The following CT47C1 variants were observed in gnomAD, a reference collection of about 807,000 sequenced individuals.
The protein encoded by CT47C1 is cancer/testis antigen family 47 member C1.
the CT47C1 span, chrX:119,074,909 A>ATATT: frequency 1.0e-6 from 1 of 993,734 alleles, no homozygotes; most frequent in Admixed American, 2.2e-5. Context: ...AAATTGGGCT[A>ATATT]TATTTTCTGT....
At chrX:119,073,729 G>A in the CT47C1 span, 1 of 761,784 alleles carries the variant, frequency 1.3e-6, no homozygotes, top group Non-Finnish European at 1.9e-6. Context: ...GCTCAGAAGA[G>A]CCCCGGCTGT....
the CT47C1 span, chrX:119,074,100 G>A: frequency 2.0e-6 from 1 of 492,020 alleles, no homozygotes. Flanking sequence ...GCTATCTGCA[G>A]TGGCGGGGAG....
chrX:119,074,132 G>C, the CT47C1 span: 1 of 477,465 alleles, frequency 2.1e-6, no homozygotes, highest in Non-Finnish European at 3.7e-6. Context: ...TGCACCCAAG[G>C]GTTCCAGGCA....
At chrX:119,076,698 C>T in the CT47C1 span, among the ~76,000 whole-genome samples, 1 of 112,205 alleles carries the variant, frequency 8.9e-6, no homozygotes, top group Non-Finnish European at 1.9e-5. Flanking sequence ...TATTGCATAT[C>T]TTACTAATGA....
chrX:119,075,963 G>A, the CT47C1 span, among the ~76,000 whole-genome samples: 18 of 112,075 alleles, frequency 1.6e-4, no homozygotes, highest in African/African-American at 5.5e-4. Context: ...TGATCATTTG[G>A]CTGTAACCAT....
At chrX:119,073,574 C>A in the CT47C1 span, 5 of 526,724 alleles carry the variant, frequency 9.5e-6, no homozygotes, top group Non-Finnish European at 1.4e-5. Flanking sequence ...CGCGGCCGCC[C>A]GTCGCTACCC....
At chrX:119,075,236 A>G in the CT47C1 span, 1 of 909,993 alleles carries the variant, frequency 1.1e-6, no homozygotes, top group East Asian at 3.3e-5. Context: ...TAAAAATTCA[A>G]TTTAGCTTAC....
the CT47C1 span, chrX:119,074,917 T>C: frequency 1.0e-6 from 1 of 1,002,952 alleles, no homozygotes; most frequent in Middle Eastern, 2.6e-4. Context: ...CTATATTTTC[T>C]GTGAATGTCT....
At chrX:119,075,139 C>T in the CT47C1 span, 2 of 1,065,384 alleles carry the variant, frequency 1.9e-6, no homozygotes, top group South Asian at 4.0e-5. Context: ...TTGAGAATCA[C>T]TCAACTATTC....
the CT47C1 span, chrX:119,073,411 G>A: frequency 3.8e-6 from 2 of 523,943 alleles, no homozygotes; most frequent in East Asian, 7.0e-5. Flanking sequence ...GTGAGCAGGC[G>A]GCAGGCTTGG....
the CT47C1 span, chrX:119,073,882 C>T: frequency 1.2e-6 from 1 of 850,808 alleles, no homozygotes; most frequent in Non-Finnish European, 1.7e-6. Context: ...CAGAAGAGCC[C>T]GCAGAGGAGG....
the CT47C1 span, chrX:119,076,432 CCT>C: frequency 1.8e-5 from 2 of 112,518 alleles, no homozygotes; most frequent in Non-Finnish European, 3.8e-5. Context: ...CTCTCTTTTA[CCT>C]CTTTGTTTTG....
At chrX:119,073,646 C>T in the CT47C1 span, 38 of 574,853 alleles carry the variant, frequency 6.6e-5, no homozygotes, top group Non-Finnish European at 1.0e-4. Flanking sequence ...CCGCATCTAT[C>T]ACAACGACCA....
the CT47C1 span, among the ~76,000 whole-genome samples, chrX:119,075,731 C>CTTTTTTTTTTTT: frequency 1.1e-5 from 1 of 87,159 alleles, no homozygotes; most frequent in African/African-American, 4.1e-5. Flanking sequence ...TTTCTTTTTT[C>CTTTTTTTTTTTT]TTTTTTTTTT....
the CT47C1 span, chrX:119,073,444 C>T: frequency 1.4e-5 from 7 of 513,166 alleles, no homozygotes; most frequent in South Asian, 2.5e-5. Flanking sequence ...GGGGTGGGAA[C>T]GCCGAGGAAG....
At chrX:119,076,672 G>GT in the CT47C1 span, among the ~76,000 whole-genome samples, 1 of 112,391 alleles carries the variant, frequency 8.9e-6, no homozygotes, top group African/African-American at 3.2e-5. Flanking sequence ...GATATGTGCT[G>GT]TAAGTGTGAA....
chrX:119,076,208 ATTG>A, the CT47C1 span: 1 of 112,675 alleles, frequency 8.9e-6, no homozygotes. Context: ...TCTGTTGTTC[ATTG>A]TTTTTATTTT....
the CT47C1 span, chrX:119,073,492 G>A: frequency 3.9e-6 from 2 of 513,881 alleles, no homozygotes; most frequent in Non-Finnish European, 7.0e-6. Context: ...TGGTGGAGGA[G>A]GAGGAGGATG....
At chrX:119,075,177 T>G in the CT47C1 span, 1 of 1,012,298 alleles carries the variant, frequency 9.9e-7, no homozygotes, top group Non-Finnish European at 1.3e-6. Context: ...CTGACAGTTT[T>G]ATTTTAAAAT....
Sources: allele counts gnomAD v4.1 joint callset (sites outside exome capture counted in the v4.1 genomes callset), GRCh38; gene constraint gnomAD v4.1.1; transcripts MANE v1.5; gene names NCBI Gene and HGNC (gene_info 2026-07-23, HGNC 2026-07-21).